CACNA2D3: variants seen among roughly 807,000 people sequenced by gnomAD.
The protein encoded by CACNA2D3 is voltage-dependent calcium channel subunit alpha-2/delta-3.
In CACNA2D3, 60 loss-of-function variants were observed where a neutral mutation model predicts 160.6. That is an observed-to-expected ratio of 0.37 (90% confidence interval 0.30 to 0.46). The LOEUF is 0.46. Ranked by LOEUF, CACNA2D3 falls within the 20% of genes least tolerant of loss-of-function variation. The probability of loss-of-function intolerance (pLI) is 1.00; values close to 1 mark genes in which losing one functional copy is unlikely to be tolerated. For synonymous variants in CACNA2D3, 558 were observed against 492.9 expected (o/e 1.13, Z -1.75); for missense variants, 1,205 against 1,365.0 (o/e 0.88, Z 1.85).
At chr3:55,005,368 T>A (rs1703072762) in intron 32 of CACNA2D3, among the ~76,000 whole-genome samples, 3 of 152,130 alleles carry the variant, frequency 2.0e-5, no homozygotes, top group Admixed American at 2.0e-4. Flanking sequence ...GAGAAATGGA[T>A]CTAAAGTCTT....
chr3:54,450,289 A>G (rs1374705084), intron 4 of CACNA2D3, among the ~76,000 whole-genome samples: 3 of 152,198 alleles, frequency 2.0e-5, no homozygotes, highest in Non-Finnish European at 4.4e-5. Context: ...AGGGGACACA[A>G]TTTAGCCTAC....
intron 13 of CACNA2D3, among the ~76,000 whole-genome samples, chr3:54,793,291 G>C (rs1308434022): frequency 1.3e-5 from 2 of 152,220 alleles, no homozygotes; most frequent in African/African-American, 4.8e-5. Context: ...AGTGAAGTGA[G>C]AGCCAAGACT....
intron 8 of CACNA2D3, among the ~76,000 whole-genome samples, chr3:54,571,193 G>C (rs1029378032): frequency 2.0e-5 from 3 of 152,118 alleles, no homozygotes; most frequent in African/African-American, 7.2e-5. Flanking sequence ...GGAATGTCTG[G>C]GTTAAGATAA....
intron 4 of CACNA2D3, among the ~76,000 whole-genome samples, chr3:54,450,208 A>C (rs1700283370): frequency 1.3e-5 from 2 of 152,134 alleles, no homozygotes; most frequent in Admixed American, 1.3e-4. Flanking sequence ...GGAATTTATT[A>C]TTTCATGGTT....
chr3:55,013,244 T>G (rs1026352624), intron 34 of CACNA2D3, among the ~76,000 whole-genome samples: 1 of 152,168 alleles, frequency 6.6e-6, no homozygotes, highest in Middle Eastern at 3.2e-3. Flanking sequence ...CAAGCCTCTC[T>G]GAAGCACCTA....
chr3:54,170,049 G>A (rs1295523032), intron 2 of CACNA2D3, among the ~76,000 whole-genome samples: 4 of 152,078 alleles, frequency 2.6e-5, no homozygotes, highest in East Asian at 1.9e-4. Context: ...TTAGCCAGGC[G>A]TGGTGGTGGG....
At chr3:54,513,151 C>G (rs1200854679) in intron 5 of CACNA2D3, among the ~76,000 whole-genome samples, 1 of 152,166 alleles carries the variant, frequency 6.6e-6, no homozygotes, top group African/African-American at 2.4e-5. Context: ...TTAAGTAATG[C>G]TCTGCTTTCC....
In CACNA2D3 at chr3:55,069,083, A is replaced by G. The variant is rs370740266; in HGVS notation, c.2988-4362A>G. 1.4e-3 allele frequency among the ~76,000 whole-genome samples: 214 copies of G among 152,244 alleles called. 1 individual carries two copies. The highest frequency in any genetic ancestry group is 4.8e-3 in the African/African-American group (200 of 41,550). ...TTTCACTTATACTTCTCTAATTTTT[A>G]GTGAGATTGAACCCGCTTTTACCTA... On this transcript the variant is annotated intron_variant, in intron 35 of 37. Transcript: ENST00000474759.
At chr3:54,151,416 TG>T (rs959942824) in intron 2 of CACNA2D3, among the ~76,000 whole-genome samples, 2 of 150,616 alleles carry the variant, frequency 1.3e-5, no homozygotes, top group African/African-American at 4.9e-5. Context: ...GATGGATAGT[TG>T]GGGGAGGGAG....
intron 21 of CACNA2D3, among the ~76,000 whole-genome samples, chr3:54,881,312 C>T (rs114752403): frequency 0.01 from 1,598 of 152,242 alleles, 22 homozygotes; most frequent in African/African-American, 0.035. Context: ...CTCTCCTACA[C>T]AGTTGAGCCA....
In CACNA2D3 at chr3:54,516,854, G is replaced by A. The variant is rs182794314; in HGVS notation, c.544+13200G>A. 1.3e-3 allele frequency among the ~76,000 whole-genome samples: 199 copies of A among 152,270 alleles called. 1 individual carries two copies. Among genetic ancestry groups the A allele is most frequent in the Admixed American group, 2.7e-3 (42 of 15,298 alleles). ...AGGCAGGGTGGGAGGAGGGGAATTA[G>A]CAAGACAAAGTGCCCCCAAAATCCA... is the stretch of plus-strand genomic sequence containing the variant. On this transcript the variant is annotated intron_variant, in intron 5 of 37. Coordinates refer to ENST00000474759, the MANE Select transcript of CACNA2D3 (RefSeq NM_018398.3).
At chr3:54,853,733 A>G (rs1699108903) in intron 17 of CACNA2D3, among the ~76,000 whole-genome samples, 1 of 152,162 alleles carries the variant, frequency 6.6e-6, no homozygotes, top group East Asian at 1.9e-4. Context: ...CCTGAGATGC[A>G]GAAGGGCTTC....
chr3:54,275,303 T>G (rs1270871301), intron 2 of CACNA2D3, among the ~76,000 whole-genome samples: 12 of 152,080 alleles, frequency 7.9e-5, no homozygotes, highest in Non-Finnish European at 1.8e-4. Flanking sequence ...TGTGCACCCC[T>G]CCCCTAGGCA....
At chr3:54,333,709 G>A (rs773021950) in intron 3 of CACNA2D3, among the ~76,000 whole-genome samples, 11 of 152,232 alleles carry the variant, frequency 7.2e-5, no homozygotes, top group Non-Finnish European at 1.5e-4. Context: ...TTTAAGGGAA[G>A]CAAAGAGCCT....
chr3:54,679,719 G>A (rs1015387188), intron 11 of CACNA2D3, among the ~76,000 whole-genome samples: 3 of 152,230 alleles, frequency 2.0e-5, no homozygotes, highest in African/African-American at 7.2e-5. Flanking sequence ...TTCGCAGTGG[G>A]TTCAAGGTCA....
rs182994630 is a variant in CACNA2D3, at chr3:54,710,058, C to G, written c.1168-42541C>G. On this transcript the variant is annotated intron_variant, in intron 11 of 37. Transcript: ENST00000474759. ...GGAGTCAAAAATCAGAGAATCGACT[C>G]ATTCATTTGCTAAATATTCATTTGT... 1.2e-3 allele frequency among the ~76,000 whole-genome samples: 187 copies of G among 152,280 alleles called. 1 individual carries two copies. The highest frequency in any genetic ancestry group is 1.2e-3 in the Non-Finnish European group (85 of 68,030).
At chr3:55,068,381 C>T (rs1187525663) in intron 35 of CACNA2D3, among the ~76,000 whole-genome samples, 1 of 152,208 alleles carries the variant, frequency 6.6e-6, no homozygotes, top group African/African-American at 2.4e-5. Flanking sequence ...TCCTTCTTCT[C>T]TATAGGAAGA....
At chr3:54,135,845 G>C (rs73844313) in intron 2 of CACNA2D3, among the ~76,000 whole-genome samples, 3,866 of 152,296 alleles carry the variant, frequency 0.025, 139 homozygotes, top group East Asian at 0.15. Flanking sequence ...GTGGCCTGCC[G>C]CAGGTCTCAC....
At chr3:54,729,512 C>G (rs550793566) in intron 11 of CACNA2D3, among the ~76,000 whole-genome samples, 4 of 152,294 alleles carry the variant, frequency 2.6e-5, no homozygotes, top group East Asian at 3.9e-4. Flanking sequence ...TTGGTTCTCA[C>G]TGATTGTGCA....
Sources: gnomAD v4.1 joint callset for allele counts (sites outside exome capture counted in the v4.1 genomes callset) on GRCh38, gnomAD v4.1.1 for gene constraint, MANE v1.5 for transcripts, NCBI Gene and HGNC (gene_info 2026-07-23, HGNC 2026-07-21) for gene names.